Variants in SH3KBP1 observed in about 807,000 individuals in gnomAD.
SH3KBP1 encodes SH3 domain containing kinase binding protein 1.
A neutral mutation model predicts 50.1 loss-of-function variants in SH3KBP1; 8 were observed. The ratio of observed to expected loss-of-function variants is 0.16; its 90% confidence interval spans 0.09 to 0.29. The LOEUF is 0.29. Ranked by LOEUF, SH3KBP1 falls within the 10% of genes least tolerant of loss-of-function variation. The pLI is 1.00. For synonymous variants in SH3KBP1, 227 were observed against 218.6 expected (o/e 1.04, Z -0.34); for missense variants, 377 against 535.2 (o/e 0.70, Z 2.92).
At chrX:19,707,656 C>T (rs149564264) in intron 3 of SH3KBP1, among the ~76,000 whole-genome samples, 44 of 111,800 alleles carry the variant, frequency 3.9e-4, no homozygotes, top group African/African-American at 1.3e-3. Flanking sequence ...AGAGCCAGGG[C>T]CACACTTCAC....
At chrX:19,721,391 A>G (rs1006057457) in intron 3 of SH3KBP1, among the ~76,000 whole-genome samples, 1 of 111,992 alleles carries the variant, frequency 8.9e-6, no homozygotes. Context: ...CACTACATGA[A>G]TAGATATTTT....
At chrX:19,691,414 ATATATATTCAGGTT>A (rs1366090187) in intron 5 of SH3KBP1, among the ~76,000 whole-genome samples, 1 of 102,392 alleles carries the variant, frequency 9.8e-6, no homozygotes, top group African/African-American at 3.6e-5. Flanking sequence ...CAGGTTTTAT[ATATATATTCAGGTT>A]TATATATATA....
rs769914541 is a variant in SH3KBP1 at position 19,648,349 on chromosome X, G to GGGAA, written c.727-2878_727-2875dup. On this transcript the variant is annotated intron_variant, in intron 6 of 17. Transcript: ENST00000397821. The stretch of plus-strand genomic sequence containing the variant: ...GGAAGGGAAGAAGAAAAGAGAAGGA[G>GGGAA]GGAAGGAAGGAAGGAAGGAGGGAAG... 3.6e-3 allele frequency among the ~76,000 whole-genome samples: 373 copies of GGGAA among 103,289 alleles called. 1 individual carries two copies. The highest frequency in any genetic ancestry group is 0.011 in the African/African-American group (307 of 28,098). The allele number at this position is 103,289 out of a possible 115,157, so 89.7% of individuals were successfully genotyped here.
chrX:19,579,764 T>C (rs1340682560), intron 12 of SH3KBP1, among the ~76,000 whole-genome samples: 2 of 111,914 alleles, frequency 1.8e-5, no homozygotes, highest in African/African-American at 3.3e-5. Context: ...CTTCCCCCCA[T>C]GCCTGTGACC....
At chrX:19,668,425 G>A (rs908682180) in intron 6 of SH3KBP1, among the ~76,000 whole-genome samples, 3 of 97,862 alleles carry the variant, frequency 3.1e-5, no homozygotes, top group Non-Finnish European at 6.2e-5. Flanking sequence ...GAGAATCGAG[G>A]GAAATCATGA....
intron 13 of SH3KBP1, among the ~76,000 whole-genome samples, chrX:19,554,412 A>ATT (rs1321988783): frequency 2.0e-5 from 2 of 100,318 alleles, no homozygotes; most frequent in African/African-American, 7.2e-5. Context: ...TATATTATAT[A>ATT]TTTTTTTGAG....
chrX:19,612,525 C>T (rs766683433), intron 8 of SH3KBP1, among the ~76,000 whole-genome samples: 2 of 111,944 alleles, frequency 1.8e-5, no homozygotes, highest in East Asian at 5.6e-4. Context: ...CTCGGCCTCC[C>T]AAAGTGCTGG....
intron 6 of SH3KBP1, among the ~76,000 whole-genome samples, chrX:19,677,322 G>A (rs1005143610): frequency 7.2e-5 from 8 of 111,507 alleles, no homozygotes; most frequent in Non-Finnish European, 1.5e-4. Flanking sequence ...CCAGACTGGG[G>A]TCACAGGAAA....
At chrX:19,877,758 T>C (rs1042133377) in intron 1 of SH3KBP1, among the ~76,000 whole-genome samples, 3 of 112,349 alleles carry the variant, frequency 2.7e-5, no homozygotes, top group Non-Finnish European at 5.6e-5. Flanking sequence ...GACTTAAATT[T>C]ATTATGCCAA....
intron 2 of SH3KBP1, among the ~76,000 whole-genome samples, chrX:19,805,983 C>A (rs1204403567): frequency 1.8e-5 from 2 of 111,382 alleles, no homozygotes; most frequent in Non-Finnish European, 3.8e-5. Context: ...TTACCAAATA[C>A]CAGCAACCTT....
chrX:19,791,679 T>C (rs2066536051), intron 2 of SH3KBP1, among the ~76,000 whole-genome samples: 1 of 111,462 alleles, frequency 9.0e-6, no homozygotes, highest in African/African-American at 3.3e-5. Flanking sequence ...CACGAGCATA[T>C]AGCCTTGAAT....
At chrX:19,606,817 A>G (rs2067255826) in intron 9 of SH3KBP1, among the ~76,000 whole-genome samples, 1 of 111,917 alleles carries the variant, frequency 8.9e-6, no homozygotes, top group Non-Finnish European at 1.9e-5. Flanking sequence ...AGAATCTAGG[A>G]AACATTAAGA....
intron 3 of SH3KBP1, among the ~76,000 whole-genome samples, chrX:19,742,566 T>G (rs2064801880): frequency 9.3e-6 from 1 of 107,688 alleles, no homozygotes; most frequent in Non-Finnish European, 1.9e-5. Context: ...GCGTTTTTTT[T>G]GTTTGTTTGT....
At chrX:19,743,407 T>G (rs1377568199) in intron 3 of SH3KBP1, among the ~76,000 whole-genome samples, 1 of 108,458 alleles carries the variant, frequency 9.2e-6, no homozygotes, top group Non-Finnish European at 1.9e-5. Flanking sequence ...AGAGCCTGGG[T>G]GTCAGAGTGA....
intron 1 of SH3KBP1, among the ~76,000 whole-genome samples, chrX:19,837,135 A>G (rs2068081565): frequency 8.9e-6 from 1 of 112,339 alleles, no homozygotes; most frequent in Non-Finnish European, 1.9e-5. Flanking sequence ...CCCATCTTGC[A>G]GCAACAACAC....
chrX:19,693,917 TCTC>T (rs1450583323), intron 5 of SH3KBP1, among the ~76,000 whole-genome samples: 1 of 112,029 alleles, frequency 8.9e-6, no homozygotes, highest in Non-Finnish European at 1.9e-5. Flanking sequence ...CTTCCCCAGA[TCTC>T]CTCCTCTGCA....
chrX:19,856,512 TCGAATGAAGGCAAGAG>T (rs767117069), intron 1 of SH3KBP1, among the ~76,000 whole-genome samples: 8 of 111,820 alleles, frequency 7.2e-5, no homozygotes, highest in Admixed American at 3.8e-4. Context: ...TTTTCTCACC[TCGAATGAAGGCAAGAG>T]CAGCTCGGTG....
At chrX:19,730,667 G>T (rs1415819580) in intron 3 of SH3KBP1, among the ~76,000 whole-genome samples, 1 of 111,740 alleles carries the variant, frequency 8.9e-6, no homozygotes, top group African/African-American at 3.3e-5. Context: ...TACCTAAATT[G>T]AAATCTTAGA....
At chrX:19,611,145 C>T (rs899461509) in intron 8 of SH3KBP1, among the ~76,000 whole-genome samples, 1 of 111,277 alleles carries the variant, frequency 9.0e-6, no homozygotes, top group African/African-American at 3.3e-5. Context: ...CTCGGCCTCC[C>T]AAAGTGCTGG....
Sources: allele counts gnomAD v4.1 joint callset (sites outside exome capture counted in the v4.1 genomes callset), GRCh38; gene constraint gnomAD v4.1.1; transcripts MANE v1.5; gene names NCBI Gene and HGNC (gene_info 2026-07-23, HGNC 2026-07-21).